Variants in ARIH2 observed in about 807,000 individuals in gnomAD.
ARIH2 encodes E3 ubiquitin-protein ligase ARIH2.
A neutral mutation model predicts 79.8 loss-of-function variants in ARIH2; 12 were observed. That is an observed-to-expected ratio of 0.15 (90% CI 0.10 to 0.24). ARIH2 has a LOEUF of 0.24. Ranked by LOEUF, ARIH2 falls within the 10% of genes least tolerant of loss-of-function variation. The probability of loss-of-function intolerance (pLI) is 1.00; values close to 1 mark genes in which losing one functional copy is unlikely to be tolerated. For synonymous variants in ARIH2, 224 were observed against 213.9 expected (o/e 1.05, Z -0.41); for missense variants, 301 against 618.3 (o/e 0.49, Z 5.44).
At chr3:48,980,764 A>T (rs1006227589) in intron 13 of ARIH2, among the ~76,000 whole-genome samples, 1 of 152,004 alleles carries the variant, frequency 6.6e-6, no homozygotes, top group Non-Finnish European at 1.5e-5. Flanking sequence ...TGTCCTGTTT[A>T]TGTATCACTC....
intron 1 of ARIH2, among the ~76,000 whole-genome samples, chr3:48,921,853 G>A (rs1370281768): frequency 6.6e-6 from 1 of 151,658 alleles, no homozygotes; most frequent in African/African-American, 2.4e-5. Context: ...CTGTGCTCAA[G>A]AAATCCTCCC....
At chr3:48,980,275 G>A in intron 12 of ARIH2, 78 bp from the exon 13 acceptor site, 5 of 1,480,820 alleles carry the variant, frequency 3.4e-6, no homozygotes, top group Non-Finnish European at 4.6e-6. Flanking sequence ...CCAGCAAGGT[G>A]TCTATCCTGA....
intron 3 of ARIH2, among the ~76,000 whole-genome samples, chr3:48,936,566 C>A (rs2087150022): frequency 6.6e-6 from 1 of 151,190 alleles, no homozygotes; most frequent in African/African-American, 2.4e-5. Context: ...AACCCTGTCT[C>A]TACTAAATAT....
At chr3:48,958,762 A>G (rs2090906422) in intron 3 of ARIH2, among the ~76,000 whole-genome samples, 1 of 152,082 alleles carries the variant, frequency 6.6e-6, no homozygotes, top group Admixed American at 6.6e-5. Flanking sequence ...CTGTAATCTC[A>G]GCACTTCGGG....
chr3:48,925,484 C>T (rs1053911034), intron 2 of ARIH2, among the ~76,000 whole-genome samples: 2 of 150,948 alleles, frequency 1.3e-5, no homozygotes, highest in Non-Finnish European at 3.0e-5. Flanking sequence ...TGGATCTTGA[C>T]CTCCTGGCCT....
At chr3:48,952,730 G>A (rs2090116548) in intron 3 of ARIH2, among the ~76,000 whole-genome samples, 1 of 152,058 alleles carries the variant, frequency 6.6e-6, no homozygotes, top group African/African-American at 2.4e-5. Context: ...GGATACAAGA[G>A]GAAGAGCACA....
At chr3:48,973,438 A>G (rs2092348074) in intron 8 of ARIH2, among the ~76,000 whole-genome samples, 1 of 152,080 alleles carries the variant, frequency 6.6e-6, no homozygotes, top group Non-Finnish European at 1.5e-5. Context: ...TTAGCCGGGC[A>G]TGGTGGCGGG....
chr3:48,977,203 A>G (rs1439224562), intron 11 of ARIH2, among the ~76,000 whole-genome samples: 7 of 152,038 alleles, frequency 4.6e-5, no homozygotes, highest in African/African-American at 2.4e-5. Context: ...CTCCGTCTCA[A>G]AAACAAACAA....
rs778423872 is a variant in ARIH2, at chr3:48,964,930, A to G, written c.335A>G (p.Asn112Ser). The change falls in exon 5 of 16, where the codon AAT becomes AGT. Residue 112 changes from asparagine (N) to serine (S), a missense_variant. Coordinates refer to ENST00000356401, the MANE Select transcript of ARIH2 (RefSeq NM_006321.4). ...VSEILDRYKSNSAQLLVEARV... is the reference protein window; with the variant it reads ...VSEILDRYKSSSAQLLVEARV... ...TTTTTGTTTTGTAGATACAAGTCCA[A>G]TTCTGCTCAACTGCTTGTTGAGGCT... 2.1e-5 allele frequency: 34 copies of G among 1,613,442 alleles called. No individual in the cohort carries two copies. The highest frequency in any genetic ancestry group is 6.7e-5 in the African/African-American group (5 of 74,908).
chr3:48,928,616 A>G (rs1319137305), intron 3 of ARIH2, among the ~76,000 whole-genome samples: 2 of 152,224 alleles, frequency 1.3e-5, no homozygotes, highest in Non-Finnish European at 2.9e-5. Flanking sequence ...TGGAGGTCAA[A>G]AGGGCACCTT....
At position 48,919,189 on chromosome 3, in the gene ARIH2, CT is replaced by C. The variant is rs770962663; in HGVS notation, c.-162+197del. On this transcript the variant is annotated intron_variant, in intron 1 of 15. Coordinates refer to ENST00000356401, the MANE Select transcript of ARIH2 (RefSeq NM_006321.4). Reference sequence around the variant, plus strand: ...GGCCGGGCGCCCAGCGTGTGTCTGCCTTTTTTCCTCCCGCCGCCTTCTCAGC... The same window carrying C: ...GGCCGGGCGCCCAGCGTGTGTCTGCCTTTTTCCTCCCGCCGCCTTCTCAGC... 47 of 1,295,028 alleles carry C rather than the reference CT, an allele frequency of 3.6e-5. No homozygotes were observed. The South Asian group carries it at 9.8e-4, about 27-fold the overall frequency. The allele number at this position is 1,295,028 out of a possible 1,614,324, so 80.2% of individuals were successfully genotyped here. A position where few individuals can be genotyped will look rare whatever the true frequency, so the allele number is the denominator to read the frequency against.
chr3:48,977,747 G>T (rs894353762), intron 11 of ARIH2, among the ~76,000 whole-genome samples: 1 of 152,142 alleles, frequency 6.6e-6, no homozygotes, highest in Non-Finnish European at 1.5e-5. Context: ...GTGAGGCACC[G>T]TGCCCGGCCT....
At chr3:48,966,010 A>C (rs922708202) in intron 5 of ARIH2, among the ~76,000 whole-genome samples, 1 of 152,124 alleles carries the variant, frequency 6.6e-6, no homozygotes, top group Non-Finnish European at 1.5e-5. Context: ...CTCCTGGATC[A>C]TTCCCCTGGA....
Position 48,976,412 on chromosome 3 carries a change from T to C in ARIH2, c.961+1433T>C, listed in dbSNP as rs371187821. 1.2e-4 allele frequency among the ~76,000 whole-genome samples: 18 copies of C among 152,058 alleles called. No homozygotes were observed. In the East Asian group the frequency reaches 2.5e-3, roughly 21 times the overall value. ...TCTTAGTATAGATGCGGTTTCACCA[T>C]GTTGGCCAGGCTGGTCTCGAACTTC... On this transcript the variant is annotated intron_variant, in intron 11 of 15. Coordinates refer to ENST00000356401, the MANE Select transcript of ARIH2 (RefSeq NM_006321.4).
intron 11 of ARIH2, among the ~76,000 whole-genome samples, chr3:48,976,023 A>G (rs2092477106): frequency 6.7e-6 from 1 of 149,976 alleles, no homozygotes; most frequent in African/African-American, 2.5e-5. Context: ...CAGTTCTCCC[A>G]CTTCAGCCTC....
intron 4 of ARIH2, among the ~76,000 whole-genome samples, chr3:48,964,707 A>G (rs973440000): frequency 6.6e-6 from 1 of 152,098 alleles, no homozygotes; most frequent in Admixed American, 6.6e-5. Flanking sequence ...ATGTAGCATG[A>G]TTTATTGGGC....
chr3:48,929,284 C>G (rs1028623923), intron 3 of ARIH2, among the ~76,000 whole-genome samples: 2 of 151,908 alleles, frequency 1.3e-5, no homozygotes, highest in African/African-American at 2.4e-5. Flanking sequence ...TTCTGCCCTG[C>G]TAGAGACAGC....
chr3:48,941,225 G>A (rs1269582602), intron 3 of ARIH2, among the ~76,000 whole-genome samples: 2 of 151,996 alleles, frequency 1.3e-5, no homozygotes, highest in East Asian at 3.9e-4. Flanking sequence ...CCTTTGAATG[G>A]CCCAAAGGGT....
At chr3:48,981,828 G>C in intron 14 of ARIH2, 100 bp downstream of exon 14, 1 of 941,350 alleles carries the variant, frequency 1.1e-6, no homozygotes, top group East Asian at 2.6e-5. Flanking sequence ...TTGGTCATTG[G>C]GAGGGCAAAG....
Sources: allele counts gnomAD v4.1 joint callset (sites outside exome capture counted in the v4.1 genomes callset), GRCh38; gene constraint gnomAD v4.1.1; transcripts MANE v1.5; gene names NCBI Gene and HGNC (gene_info 2026-07-23, HGNC 2026-07-21).